Variants in GCLC observed in about 807,000 individuals in gnomAD.
GCLC encodes the protein glutamate--cysteine ligase catalytic subunit.
GCLC carries 30 observed loss-of-function variants against 81.5 expected under a neutral mutation model. That is an observed-to-expected ratio of 0.37 (90% confidence interval 0.28 to 0.50). The LOEUF (loss-of-function observed/expected upper bound fraction) is 0.50. Ranked by LOEUF, GCLC falls within the 20% of genes least tolerant of loss-of-function variation. The pLI, the probability that GCLC is intolerant of heterozygous loss-of-function variation, is 0.96. For missense variants in GCLC, 556 were observed against 777.4 expected (o/e 0.72, Z 3.39); for synonymous variants, 262 against 273.3 (o/e 0.96, Z 0.41).
intron 1 of GCLC, among the ~76,000 whole-genome samples, chr6:53,528,655 A>G (rs1174876431): frequency 6.6e-6 from 1 of 152,242 alleles, no homozygotes; most frequent in Non-Finnish European, 1.5e-5. Flanking sequence ...AAAGAATTTC[A>G]CATGATACTA....
chr6:53,541,766 G>C (rs983743023), intron 1 of GCLC, among the ~76,000 whole-genome samples: 2 of 152,228 alleles, frequency 1.3e-5, no homozygotes, highest in African/African-American at 4.8e-5. Context: ...ATTTATGACA[G>C]AGTATTTGGA....
Position 53,520,959 on chromosome 6 carries a change from G to A in GCLC, c.265C>T (p.His89Tyr). Residue 89 changes from histidine (H) to tyrosine (Y), a missense_variant and splice_region_variant, in exon 3 of 16, where the codon CAT becomes TAT. His to Tyr is a moderately conservative substitution (Grantham distance 83). Transcript: ENST00000650454. ...QEKGERTNPN[H>Y]PTLWRPEYGS... ...TACTCTGGTCTCCAAAGGGTAGGAT[G>A]GCTACGGAGGAGAAATAACTTAGTT... The A allele has an allele frequency of 6.2e-7, 1 of 1,610,368 alleles. No individual in the cohort carries two copies. Among genetic ancestry groups the A allele is most frequent in the Non-Finnish European group, 8.5e-7 (1 of 1,176,554 alleles).
chr6:53,544,150 G>C (rs1479701793), intron 1 of GCLC, among the ~76,000 whole-genome samples: 1 of 152,214 alleles, frequency 6.6e-6, no homozygotes, highest in South Asian at 2.1e-4. Context: ...CTGTAAGGTG[G>C]ATCATGGTAG....
intron 6 of GCLC, among the ~76,000 whole-genome samples, chr6:53,511,730 G>A (rs764145467): frequency 5.4e-5 from 8 of 149,468 alleles, no homozygotes; most frequent in Non-Finnish European, 1.2e-4. Context: ...ACTAATTTGG[G>A]CTTCTAGTGT....
At chr6:53,532,026 G>A (rs2127628875) in intron 1 of GCLC, among the ~76,000 whole-genome samples, 1 of 152,220 alleles carries the variant, frequency 6.6e-6, no homozygotes, top group Non-Finnish European at 1.5e-5. Context: ...TCATTTTATT[G>A]AAATTAATTT....
intron 3 of GCLC, among the ~76,000 whole-genome samples, chr6:53,518,783 G>GA (rs1320474261): frequency 4.0e-5 from 6 of 151,866 alleles, no homozygotes; most frequent in Non-Finnish European, 7.4e-5. Flanking sequence ...ATGTTAAGGG[G>GA]AAAAAAATGA....
intron 3 of GCLC, among the ~76,000 whole-genome samples, chr6:53,516,494 G>T (rs563261792): frequency 6.6e-6 from 1 of 152,050 alleles, no homozygotes; most frequent in African/African-American, 2.4e-5. Flanking sequence ...GCACTTACTC[G>T]GGTCCTCTCC....
intron 1 of GCLC, among the ~76,000 whole-genome samples, chr6:53,529,480 C>G (rs1763137574): frequency 6.6e-6 from 1 of 152,192 alleles, no homozygotes; most frequent in South Asian, 2.1e-4. Flanking sequence ...TCAGAAAAGA[C>G]AGCACATCAA....
chr6:53,538,471 T>A (rs906003639), intron 1 of GCLC, among the ~76,000 whole-genome samples: 32 of 152,070 alleles, frequency 2.1e-4, no homozygotes, highest in African/African-American at 7.5e-4. Context: ...GGACTACAGG[T>A]GCTCGCCACC....
chr6:53,518,348 T>C (rs1179415650), intron 3 of GCLC, among the ~76,000 whole-genome samples: 1 of 152,110 alleles, frequency 6.6e-6, no homozygotes, highest in Non-Finnish European at 1.5e-5. Context: ...CCTCCCAGGT[T>C]CAAGCGGTTC....
intron 1 of GCLC, among the ~76,000 whole-genome samples, chr6:53,538,159 T>G (rs1361979388): frequency 7.2e-6 from 1 of 138,404 alleles, no homozygotes; most frequent in Non-Finnish European, 1.5e-5. Context: ...TTTTTTTTTT[T>G]TTTTAAAGAG....
rs1263461405 is a variant in GCLC, at chr6:53,498,209, T to C, written c.*547A>G. The C allele has an allele frequency of 6.5e-6, 1 of 154,602 alleles. No individual in the cohort carries two copies. The highest frequency in any genetic ancestry group is 1.4e-5 in the Non-Finnish European group (1 of 69,504). The allele number at this position is 154,602 out of a possible 1,614,324, so 9.6% of individuals were successfully genotyped here. ...CAAGGTGACCAAGTGATTATTCCAA[T>C]TGCAAAAGAAACATCATAGATAAGG... On this transcript the variant is annotated 3_prime_UTR_variant, in exon 16 of 16. Coordinates refer to ENST00000650454, the MANE Select transcript of GCLC (RefSeq NM_001498.4).
chr6:53,500,583 C>T, intron 12 of GCLC, 70 bp from the exon 13 acceptor site: 1 of 1,052,950 alleles, frequency 9.5e-7, no homozygotes, highest in Non-Finnish European at 1.5e-6. Flanking sequence ...CAGCACCTTC[C>T]TCACCTTTGC....
At chr6:53,535,336 G>A (rs758865254) in intron 1 of GCLC, among the ~76,000 whole-genome samples, 3 of 152,136 alleles carry the variant, frequency 2.0e-5, no homozygotes, top group Admixed American at 6.5e-5. Context: ...CCAACATGGC[G>A]AAACCTCACC....
intron 12 of GCLC, chr6:53,503,401 C>CA (rs1764550227): frequency 6.6e-6 from 1 of 152,146 alleles, no homozygotes; most frequent in African/African-American, 2.4e-5. Context: ...CCAAACAAAC[C>CA]AAGACACTAG....
At chr6:53,544,326 G>C (rs17880235) in intron 1 of GCLC, among the ~76,000 whole-genome samples, 170 bp downstream of exon 1, 1 of 152,190 alleles carries the variant, frequency 6.6e-6, no homozygotes, top group Non-Finnish European at 1.5e-5. Flanking sequence ...CCCTGGACGC[G>C]GACTAGGCGA....
chr6:53,498,778 C>T lies in GCLC; in HGVS notation c.1892G>A (p.Ser631Asn). The T allele has an allele frequency of 2.5e-6, 4 of 1,609,866 alleles. No homozygotes were observed. The highest frequency in any genetic ancestry group is 3.4e-6 in the Non-Finnish European group (4 of 1,176,568). ...SAFRKVKYSG[S>N]KTDSSN ...TGTCTAGTTGGATGAGTCAGTTTTA[C>T]TTCCACTATATTTTACTTTCCTAAA... The change falls in exon 16 of 16, where the codon AGT becomes AAT. Residue 631 changes from serine to asparagine, a missense_variant. Coordinates refer to ENST00000650454, the MANE Select transcript of GCLC (RefSeq NM_001498.4).
chr6:53,522,519 G>A lies in GCLC; in HGVS notation c.159C>T (p.Tyr53=). The change falls in exon 2 of 16, where the codon TAC becomes TAT. Residue 53 remains tyrosine, a synonymous_variant. Coordinates refer to ENST00000650454, the MANE Select transcript of GCLC (RefSeq NM_001498.4). Reference sequence around the variant, plus strand: ...TTTCATGATCAAAAGATACCAACATGTATTCCACCTATTGAAAATAAAGGT... The same window carrying A: ...TTTCATGATCAAAAGATACCAACATATATTCCACCTATTGAAAATAAAGGT... ...DVLKWGDEVE[Y]MLVSFDHENK... 1 of 1,584,456 alleles carries A rather than the reference G, an allele frequency of 6.3e-7. No individual in the cohort carries two copies.
intron 3 of GCLC, among the ~76,000 whole-genome samples, chr6:53,517,462 A>T (rs512827): frequency 0.56 from 84,617 of 151,554 alleles, 24,454 homozygotes; most frequent in African/African-American, 0.71. Flanking sequence ...TGCCTGCCCA[A>T]ATCCACCTTG....
Sources: allele counts gnomAD v4.1 joint callset (sites outside exome capture counted in the v4.1 genomes callset), GRCh38; gene constraint gnomAD v4.1.1; transcripts MANE v1.5; gene names NCBI Gene and HGNC (gene_info 2026-07-23, HGNC 2026-07-21).